AP2M1: variants seen among roughly 807,000 people sequenced by gnomAD.
AP2M1 encodes the protein adaptor related protein complex 2 subunit mu 1.
Under a neutral mutation model 54.5 loss-of-function variants are expected in AP2M1, and 5 were observed. The observed-to-expected ratio is 0.09, with a 90% CI of 0.05 to 0.19. The LOEUF is 0.19. Among genes scored for constraint, AP2M1 ranks in the 10% least tolerant of loss-of-function variants. AP2M1 has a pLI of 1.00. For synonymous variants in AP2M1, 186 were observed against 208.2 expected (o/e 0.89, Z 0.92); for missense variants, 178 against 580.2 (o/e 0.31, Z 7.12).
At position 184,181,473 on chromosome 3, in the gene AP2M1, C is replaced by A; in HGVS notation, c.708-223C>A. 1.2e-6 allele frequency: 1 copy of A among 807,846 alleles called. No individual in the cohort carries two copies. Among genetic ancestry groups the A allele is most frequent in the Non-Finnish European group, 1.9e-6 (1 of 525,424 alleles). The allele number at this position is 807,846 out of a possible 1,614,324, so 50.0% of individuals were successfully genotyped here. A position where few individuals can be genotyped will look rare whatever the true frequency, so the allele number is the denominator to read the frequency against. On this transcript the variant is annotated intron_variant, in intron 7 of 11. Transcript: ENST00000292807. The surrounding 1 kb of genome is among the most constrained non-coding windows in gnomAD (Gnocchi z 5.7). ...TTCTGTACATACTGACAGCCTCTGC[C>A]CAGTGTGCCTGAAACACCCAGGTCC... is the stretch of plus-strand genomic sequence containing the variant.
chr3:184,180,498 G>A lies in AP2M1; in HGVS notation c.424-147G>A, dbSNP rs1441238695. 20 of 1,293,254 alleles carry A rather than the reference G, an allele frequency of 1.5e-5. No individual in the cohort carries two copies. The highest frequency in any genetic ancestry group is 2.2e-5 in the Non-Finnish European group (20 of 918,738). The allele number at this position is 1,293,254 out of a possible 1,614,324, so 80.1% of individuals were successfully genotyped here. ...TTTCCTTTTGCACTGAGGGGTGGGGGAGGAGGCCTGGTCTTGAGGCCTGGT... is the reference window on the plus strand; with the variant it reads ...TTTCCTTTTGCACTGAGGGGTGGGGAAGGAGGCCTGGTCTTGAGGCCTGGT... On this transcript the variant is annotated intron_variant, in intron 4 of 11. Transcript: ENST00000292807. This position sits in a 1 kb window ranked among gnomAD's most constrained non-coding sequence, Gnocchi z 4.9.
rs946913415 is a variant in AP2M1, at chr3:184,182,460, T to C, written c.1061+212T>C. Among the ~76,000 whole-genome samples, 19 of 152,070 alleles carry C rather than the reference T, an allele frequency of 1.2e-4. No homozygotes were observed. Among genetic ancestry groups the C allele is most frequent in the Admixed American group, 2.0e-4 (3 of 15,270 alleles). ...CACGTGCTTATTTTTTAAGATGCTT[T>C]GGCATTTCCCTTTGTAATGTATACA... On this transcript the variant is annotated intron_variant, in intron 10 of 11. Transcript: ENST00000292807. The surrounding 1 kb of genome is among the most constrained non-coding windows in gnomAD (Gnocchi z 5.5).
rs1715230115 is a variant in AP2M1, at chr3:184,180,341, AGCCCTCC to A, written c.423+91_423+97del. ...TGAGCCTTGTCTGAGCTGACTCATG[AGCCCTCC>A]CATGACAGGAAGTGCTGGCCTGAGC... On this transcript the variant is annotated intron_variant, in intron 4 of 11. Transcript: ENST00000292807. This position sits in a 1 kb window ranked among gnomAD's most constrained non-coding sequence, Gnocchi z 4.9. 2.0e-6 allele frequency: 3 copies of A among 1,463,858 alleles called. No homozygotes were observed. The highest frequency in any genetic ancestry group is 2.8e-6 in the Non-Finnish European group (3 of 1,064,682). The allele number at this position is 1,463,858 out of a possible 1,614,324, so 90.7% of individuals were successfully genotyped here.
intron 1 of AP2M1, 152 bp from the exon 2 acceptor site, chr3:184,176,799 C>T (rs774255855): frequency 5.5e-6 from 3 of 546,110 alleles, no homozygotes; most frequent in African/African-American, 3.9e-5. Flanking sequence ...GAACTGGAGC[C>T]TGGCTGAGGG....
Position 184,178,071 on chromosome 3 carries a change from C to A in AP2M1, c.75-786C>A. 1 of 1,019,656 alleles carries A rather than the reference C, an allele frequency of 9.8e-7. No individual in the cohort carries two copies. The allele number at this position is 1,019,656 out of a possible 1,614,324, so 63.2% of individuals were successfully genotyped here. A position where few individuals can be genotyped will look rare whatever the true frequency, so the allele number is the denominator to read the frequency against. On this transcript the variant is annotated intron_variant, in intron 2 of 11. Coordinates refer to ENST00000292807, the MANE Select transcript of AP2M1 (RefSeq NM_004068.4). The surrounding 1 kb of genome is among the most constrained non-coding windows in gnomAD (Gnocchi z 4.9). ...CTGGGCAAGCCAAGGCCAGGTCACA[C>A]GCCGCCTTGCCTGTCTTGTCTGCTT...
rs766665266 is a variant in AP2M1, at chr3:184,182,713, T to G, written c.1062-44T>G. The stretch of plus-strand genomic sequence containing the variant: ...TGAAATGGGCAACTGCCCTTGAAAC[T>G]CCTCCAAGCCCCAATGGGCTGCCCA... On this transcript the variant is annotated intron_variant, in intron 10 of 11. Transcript: ENST00000292807. This position sits in a 1 kb window ranked among gnomAD's most constrained non-coding sequence, Gnocchi z 5.5. 5 of 1,568,686 alleles carry G rather than the reference T, an allele frequency of 3.2e-6. No individual in the cohort carries two copies. The African/African-American group carries it at 6.8e-5, about 21-fold the overall frequency.
chr3:184,180,630 C>G lies in AP2M1; in HGVS notation c.424-15C>G, dbSNP rs1237706580. 1 of 1,613,894 alleles carries G rather than the reference C, an allele frequency of 6.2e-7. No homozygotes were observed. Among genetic ancestry groups the G allele is most frequent in the African/African-American group, 1.3e-5 (1 of 74,938 alleles). The stretch of plus-strand genomic sequence containing the variant: ...CTGCTTCATGTGGGCACCTCGTTGG[C>G]CCTGCGGCCTCCAGCATCAGGTAAG... On this transcript the variant is annotated splice_polypyrimidine_tract_variant and intron_variant, in intron 4 of 11. Coordinates refer to ENST00000292807, the MANE Select transcript of AP2M1 (RefSeq NM_004068.4). This position sits in a 1 kb window ranked among gnomAD's most constrained non-coding sequence, Gnocchi z 4.9.
chr3:184,182,914 G>T lies in AP2M1; in HGVS notation c.1173+46G>T. On this transcript the variant is annotated intron_variant, in intron 11 of 11. Coordinates refer to ENST00000292807, the MANE Select transcript of AP2M1 (RefSeq NM_004068.4). This position sits in a 1 kb window ranked among gnomAD's most constrained non-coding sequence, Gnocchi z 5.5. ...AGAGTCATGCCAGGGTATGCTGGAAGACCTCTTAGAGATCATTCCGATAAA... is the reference window on the plus strand; with the variant it reads ...AGAGTCATGCCAGGGTATGCTGGAATACCTCTTAGAGATCATTCCGATAAA... 6.6e-7 allele frequency: 1 copy of T among 1,519,250 alleles called. No homozygotes were observed. The highest frequency in any genetic ancestry group is 9.1e-7 in the Non-Finnish European group (1 of 1,097,642). The allele number at this position is 1,519,250 out of a possible 1,614,324, so 94.1% of individuals were successfully genotyped here.
In AP2M1 at chr3:184,181,287, G is replaced by A; in HGVS notation, c.707+61G>A. 6.2e-7 allele frequency: 1 copy of A among 1,600,542 alleles called. No individual in the cohort carries two copies. ...CCCTTGGAGGGCTCAGTGGGGTCTAGTGAACCACAAGTTTCTTCTGGATTT... is the reference window on the plus strand; with the variant it reads ...CCCTTGGAGGGCTCAGTGGGGTCTAATGAACCACAAGTTTCTTCTGGATTT... On this transcript the variant is annotated intron_variant, in intron 7 of 11. Transcript: ENST00000292807. The surrounding 1 kb of genome is among the most constrained non-coding windows in gnomAD (Gnocchi z 5.7).
In AP2M1 at chr3:184,182,110, C is replaced by T. The variant is rs758477794; in HGVS notation, c.964-41C>T. On this transcript the variant is annotated intron_variant, in intron 9 of 11. Coordinates refer to ENST00000292807, the MANE Select transcript of AP2M1 (RefSeq NM_004068.4). The surrounding 1 kb of genome is among the most constrained non-coding windows in gnomAD (Gnocchi z 5.5). ...CCCTAGGAATAAAGGTAGCTGATGT[C>T]ACAGCTTGACAGAGCTCCCTGACAG... 1.9e-6 allele frequency: 3 copies of T among 1,611,664 alleles called. No homozygotes were observed. The highest frequency in any genetic ancestry group is 2.5e-6 in the Non-Finnish European group (3 of 1,178,342).
Position 184,183,756 on chromosome 3 carries a change from G to A in AP2M1, c.*140G>A. 9.5e-7 allele frequency: 1 copy of A among 1,050,062 alleles called. No homozygotes were observed. The highest frequency in any genetic ancestry group is 1.6e-5 in the African/African-American group (1 of 62,532). The allele number at this position is 1,050,062 out of a possible 1,614,324, so 65.0% of individuals were successfully genotyped here. ...TTGCACCAGCCCGAGTCTAGGTCTG[G>A]GCCAAGCACATTACAAGTGGGACCG... On this transcript the variant is annotated 3_prime_UTR_variant, in exon 12 of 12. Transcript: ENST00000292807. The surrounding 1 kb of genome is among the most constrained non-coding windows in gnomAD (Gnocchi z 5.7).
At chr3:184,175,184 C>A (rs1167116591) in intron 1 of AP2M1, 1 of 392,184 alleles carries the variant, frequency 2.5e-6, no homozygotes, top group Non-Finnish European at 4.5e-6. Flanking sequence ...CCGCCTGGCG[C>A]CTCCCATGAG....
intron 2 of AP2M1, chr3:184,177,627 G>A (rs1368669695): frequency 3.9e-6 from 6 of 1,534,758 alleles, no homozygotes; most frequent in Non-Finnish European, 5.2e-6. Flanking sequence ...GCACTCTCTG[G>A]GTCACTGTGG....
rs374676682 is a variant in AP2M1, at chr3:184,180,596, C to T, written c.424-49C>T. ...CTCATAGCTTTCTCCTCCTTTTCTG[C>T]CTCCCTTGCTGCTTCATGTGGGCAC... is the stretch of plus-strand genomic sequence containing the variant. On this transcript the variant is annotated intron_variant, in intron 4 of 11. Transcript: ENST00000292807. The surrounding 1 kb of genome is among the most constrained non-coding windows in gnomAD (Gnocchi z 4.9). 1.5e-5 allele frequency: 24 copies of T among 1,612,768 alleles called. No homozygotes were observed. Among genetic ancestry groups the T allele is most frequent in the Non-Finnish European group, 1.9e-5 (23 of 1,179,962 alleles).
intron 3 of AP2M1, 118 bp downstream of exon 3, chr3:184,179,240 G>T: frequency 7.6e-7 from 1 of 1,324,046 alleles, no homozygotes; most frequent in Non-Finnish European, 1.0e-6. Flanking sequence ...TCTTTCCTGA[G>T]TATTTGGTCT....
At chr3:184,177,956 G>A (rs376733850) in intron 2 of AP2M1, 2 of 610,240 alleles carry the variant, frequency 3.3e-6, no homozygotes, top group Non-Finnish European at 2.9e-6. Context: ...GGTGTGGCAT[G>A]AGCTAGAGCT....
In AP2M1 at chr3:184,180,102, T is replaced by C; in HGVS notation, c.341-67T>C. ...TTGGGAGCTGTGCCGGTCAGATGTG[T>C]AGGCCCAAGTAGGGGCTGGAATGAA... On this transcript the variant is annotated intron_variant, in intron 3 of 11. Coordinates refer to ENST00000292807, the MANE Select transcript of AP2M1 (RefSeq NM_004068.4). The surrounding 1 kb of genome is among the most constrained non-coding windows in gnomAD (Gnocchi z 4.9). 5 of 1,505,888 alleles carry C rather than the reference T, an allele frequency of 3.3e-6. No homozygotes were observed. Among genetic ancestry groups the C allele is most frequent in the Admixed American group, 1.7e-5 (1 of 58,406 alleles). 93.3% of individuals were successfully genotyped at this position (1,505,888 alleles called of 1,614,324 possible). A position where few individuals can be genotyped will look rare whatever the true frequency, so the allele number is the denominator to read the frequency against.
At chr3:184,179,359 T>G in intron 3 of AP2M1, 1 of 540,710 alleles carries the variant, frequency 1.8e-6, no homozygotes, top group East Asian at 3.3e-5. Context: ...TCCAAGGGGC[T>G]AGGAACCTGA....
chr3:184,175,512 C>G (rs969313025), intron 1 of AP2M1, among the ~76,000 whole-genome samples: 1 of 152,190 alleles, frequency 6.6e-6, no homozygotes, highest in African/African-American at 2.4e-5. Flanking sequence ...CACCTGAACC[C>G]CAAGCAGGCT....
Sources: gnomAD v4.1 joint callset for allele counts (sites outside exome capture counted in the v4.1 genomes callset) on GRCh38, gnomAD v4.1.1 for gene constraint, Gnocchi (gnomAD v3.1) non-coding constraint, MANE v1.5 for transcripts, NCBI Gene and HGNC (gene_info 2026-07-23, HGNC 2026-07-21) for gene names.